NUP62CL: variants seen among roughly 807,000 people sequenced by gnomAD.
NUP62CL encodes nucleoporin-62 C-terminal-like protein.
NUP62CL carries 13 observed loss-of-function variants against 15.3 expected under a neutral mutation model. The ratio of observed to expected loss-of-function variants is 0.85; its 90% confidence interval spans 0.55 to 1.35. The LOEUF (loss-of-function observed/expected upper bound fraction) is 1.35. Among genes scored for constraint, NUP62CL ranks in the 40% most tolerant of loss-of-function variants. The probability of loss-of-function intolerance (pLI) is 0.00; values close to 1 mark genes in which losing one functional copy is unlikely to be tolerated. For missense variants in NUP62CL, 123 were observed against 130.6 expected, an observed-to-expected ratio of 0.94 and a Z score of 0.28; for synonymous variants, 54 against 49.2, an observed-to-expected ratio of 1.10 and a Z score of -0.41.
intron 2 of NUP62CL, among the ~76,000 whole-genome samples, chrX:107,184,165 T>C (rs1192170754): frequency 1.8e-5 from 2 of 110,106 alleles, no homozygotes; most frequent in Non-Finnish European, 3.8e-5. Context: ...CATAACATAG[T>C]ATGAGAATAT....
intron 4 of NUP62CL, among the ~76,000 whole-genome samples, chrX:107,166,170 A>G (rs1926512953): frequency 8.9e-6 from 1 of 111,826 alleles, no homozygotes; most frequent in African/African-American, 3.2e-5. Context: ...CTGACAAAAG[A>G]CTGGCATCTA....
intron 8 of NUP62CL, among the ~76,000 whole-genome samples, chrX:107,139,115 A>C (rs1925709725): frequency 9.0e-6 from 1 of 111,680 alleles, no homozygotes; most frequent in Non-Finnish European, 1.9e-5. Context: ...TAGAAATAGA[A>C]AATAGATTTG....
intron 8 of NUP62CL, among the ~76,000 whole-genome samples, chrX:107,132,795 T>A (rs1925551315): frequency 8.9e-6 from 1 of 111,960 alleles, no homozygotes; most frequent in Non-Finnish European, 1.9e-5. Context: ...TAAATGACTT[T>A]AGGGACCCTT....
At chrX:107,183,656 G>A (rs1374112207) in intron 2 of NUP62CL, among the ~76,000 whole-genome samples, 3 of 110,546 alleles carry the variant, frequency 2.7e-5, no homozygotes, top group Non-Finnish European at 5.7e-5. Flanking sequence ...TTTTCAAAAA[G>A]CCCTAACAAA....
chrX:107,148,360 A>G (rs953190960), intron 7 of NUP62CL, among the ~76,000 whole-genome samples: 1 of 111,695 alleles, frequency 9.0e-6, no homozygotes, highest in African/African-American at 3.2e-5. Flanking sequence ...ATCTAAATAT[A>G]AGTGGTGATT....
chrX:107,155,932 G>A (rs1430367010), intron 4 of NUP62CL, among the ~76,000 whole-genome samples: 12 of 112,304 alleles, frequency 1.1e-4, no homozygotes, highest in Admixed American at 6.5e-4. Context: ...CGCACCGTGC[G>A]CAAGCCAAAG....
chrX:107,190,131 G>A (rs1226054387), intron 2 of NUP62CL, among the ~76,000 whole-genome samples: 1 of 111,298 alleles, frequency 9.0e-6, no homozygotes, highest in Non-Finnish European at 1.9e-5. Context: ...GTATTTTACT[G>A]CAACCTAACT....
At chrX:107,188,588 C>A (rs762242118) in intron 2 of NUP62CL, among the ~76,000 whole-genome samples, 38 of 111,514 alleles carry the variant, frequency 3.4e-4, no homozygotes, top group African/African-American at 1.1e-3. Context: ...AACTTGCTCT[C>A]ACCACTCTTA....
rs186831440 is a variant in NUP62CL at position 107,162,931 on chromosome X, G to A, written c.194+4718C>T. Among the ~76,000 whole-genome samples the A allele has an allele frequency of 3.6e-5, 4 of 111,342 alleles. No homozygotes were observed. In the East Asian group the frequency reaches 8.6e-4, roughly 24 times the overall value. ...GTTCACGCTCCTATGAGAATCTAAT[G>A]TCTGATCTGACAGGAGGCGGAGCTC... On this transcript the variant is annotated intron_variant, in intron 4 of 8. Coordinates refer to ENST00000372466, the MANE Select transcript of NUP62CL (RefSeq NM_017681.3).
rs746505025 is a variant in NUP62CL, at chrX:107,152,099, G to GATATAT, written c.530+1067_530+1072dup. 1.5e-4 allele frequency among the ~76,000 whole-genome samples: 6 copies of GATATAT among 38,837 alleles called. 1 individual carries two copies. The highest frequency in any genetic ancestry group is 9.5e-4 in the African/African-American group (6 of 6,288). The allele number at this position is 38,837 out of a possible 115,157, so 33.7% of individuals were successfully genotyped here. On this transcript the variant is annotated intron_variant, in intron 7 of 8. Coordinates refer to ENST00000372466, the MANE Select transcript of NUP62CL (RefSeq NM_017681.3). ...ATTCAGATATATATATATATATTCA[G>GATATAT]ATATATATATATATTCAGATATATA...
chrX:107,166,882 T>C (rs1327602592), intron 4 of NUP62CL, among the ~76,000 whole-genome samples: 1 of 111,622 alleles, frequency 9.0e-6, no homozygotes, highest in Non-Finnish European at 1.9e-5. Context: ...ATTATAGAAA[T>C]AGAGAACATT....
At chrX:107,169,563 C>A (rs1486245973) in intron 3 of NUP62CL, among the ~76,000 whole-genome samples, 6 of 111,821 alleles carry the variant, frequency 5.4e-5, no homozygotes, top group Non-Finnish European at 1.1e-4. Flanking sequence ...CAGAGGAAGA[C>A]CATGCCCAAT....
chrX:107,166,886 G>A (rs1466620120), intron 4 of NUP62CL, among the ~76,000 whole-genome samples: 4 of 111,811 alleles, frequency 3.6e-5, no homozygotes, highest in East Asian at 2.8e-4. Context: ...TAGAAATAGA[G>A]AACATTAATT....
At chrX:107,178,411 C>A (rs1378422280) in intron 2 of NUP62CL, among the ~76,000 whole-genome samples, 2 of 112,199 alleles carry the variant, frequency 1.8e-5, no homozygotes, top group Non-Finnish European at 3.8e-5. Flanking sequence ...TAAATTAATG[C>A]ATAGTGACAC....
intron 4 of NUP62CL, among the ~76,000 whole-genome samples, chrX:107,161,831 G>GA (rs202175777): frequency 0.33 from 29,603 of 91,018 alleles, 5,695 homozygotes; most frequent in African/African-American, 0.63. Flanking sequence ...TAAAAAAAAT[G>GA]AAAAAAAAAT....
chrX:107,138,937 G>A (rs755187264), intron 8 of NUP62CL, among the ~76,000 whole-genome samples: 4 of 111,657 alleles, frequency 3.6e-5, no homozygotes, highest in Non-Finnish European at 5.7e-5. Context: ...AACCAACTGC[G>A]GTATACCCAT....
chrX:107,182,539 A>T (rs946479081), intron 2 of NUP62CL, among the ~76,000 whole-genome samples: 12 of 107,041 alleles, frequency 1.1e-4, no homozygotes, highest in African/African-American at 4.2e-4. Flanking sequence ...AGTTTTTTTT[A>T]AAAGAATAGA....
At chrX:107,189,289 G>T (rs780201736) in intron 2 of NUP62CL, among the ~76,000 whole-genome samples, 151 of 111,205 alleles carry the variant, frequency 1.4e-3, no homozygotes, top group Middle Eastern at 9.4e-3. Context: ...GTATAACCCA[G>T]AAATTGCACT....
At chrX:107,135,762 C>T (rs927424357) in intron 8 of NUP62CL, among the ~76,000 whole-genome samples, 1 of 111,528 alleles carries the variant, frequency 9.0e-6, no homozygotes, top group Admixed American at 9.5e-5. Flanking sequence ...TTTCACTTTA[C>T]GTGATTTCAG....
Sources: allele counts gnomAD v4.1 joint callset (sites outside exome capture counted in the v4.1 genomes callset), GRCh38; gene constraint gnomAD v4.1.1; transcripts MANE v1.5; gene names NCBI Gene and HGNC (gene_info 2026-07-23, HGNC 2026-07-21).